Variants in MAGI3 observed in about 807,000 individuals in gnomAD.
The protein encoded by MAGI3 is membrane-associated guanylate kinase, WW and PDZ domain-containing protein 3.
Under a neutral mutation model 121.8 loss-of-function variants are expected in MAGI3, and 43 were observed. The ratio of observed to expected loss-of-function variants is 0.35; its 90% CI spans 0.28 to 0.46. MAGI3 has a LOEUF of 0.46. Ranked by LOEUF, MAGI3 falls within the 20% of genes least tolerant of loss-of-function variation. The pLI, the probability that MAGI3 is intolerant of heterozygous loss-of-function variation, is 1.00. For missense variants in MAGI3, 1,547 were observed against 1,797.3 expected, an observed-to-expected ratio of 0.86 and a Z score of 2.52; for synonymous variants, 553 against 639.3, an observed-to-expected ratio of 0.86 and a Z score of 2.04.
intron 17 of MAGI3, 143 bp from the exon 18 acceptor site, chr1:113,672,470 GAT>G: frequency 1.6e-6 from 1 of 616,734 alleles, no homozygotes; most frequent in Non-Finnish European, 2.4e-6. Context: ...CCTCTGATCT[GAT>G]TTTAGATATA....
chr1:113,479,513 G>A (rs1656013384), intron 1 of MAGI3, among the ~76,000 whole-genome samples: 1 of 152,138 alleles, frequency 6.6e-6, no homozygotes, highest in South Asian at 2.1e-4. Context: ...GTCATTTGCT[G>A]CTTTCAAAAT....
At chr1:113,652,952 C>T (rs1653255644) in intron 14 of MAGI3, among the ~76,000 whole-genome samples, 1 of 152,158 alleles carries the variant, frequency 6.6e-6, no homozygotes, top group African/African-American at 2.4e-5. Flanking sequence ...ATGTGGACAG[C>T]TTGTTATGTG....
Position 113,507,365 on chromosome 1 carries a change from G to A in MAGI3, c.317-42150G>A, listed in dbSNP as rs566225375. Among the ~76,000 whole-genome samples, 14 of 152,180 alleles carry A rather than the reference G, an allele frequency of 9.2e-5. No individual in the cohort carries two copies. In the East Asian group the frequency reaches 1.2e-3, roughly 13 times the overall value. On this transcript the variant is annotated intron_variant, in intron 1 of 20. Transcript: ENST00000307546. ...TCTCTACTACTTGTAAGGGGATAGC[G>A]TTTATGTTATTTCACTAATCTTTTA...
intron 16 of MAGI3, among the ~76,000 whole-genome samples, chr1:113,667,631 A>G (rs917257528): frequency 2.0e-5 from 3 of 152,158 alleles, no homozygotes; most frequent in East Asian, 1.9e-4. Context: ...AATATTTACA[A>G]TTTTCTTCAA....
rs767852624 is a variant in MAGI3, at chr1:113,659,091, A to G, written c.2641A>G (p.Lys881Glu). 1 of 1,609,798 alleles carries G rather than the reference A, an allele frequency of 6.2e-7. No individual in the cohort carries two copies. Among genetic ancestry groups the G allele is most frequent in the Non-Finnish European group, 8.5e-7 (1 of 1,178,120 alleles). Reference protein sequence around the residue: ...NKPPPGVIPHKIGRVIEGSPA... With the variant: ...NKPPPGVIPHEIGRVIEGSPA... ...TTTTTTTCCCATAGTTATTCCTCATAAAATTGGCCGAGTCATAGAAGGAAG... is the reference window on the plus strand; with the variant it reads ...TTTTTTTCCCATAGTTATTCCTCATGAAATTGGCCGAGTCATAGAAGGAAG... The change falls in exon 16 of 21, where the codon AAA becomes GAA. Residue 881 changes from lysine (K) to glutamate (E), a missense_variant. By Grantham distance (56) the Lys-to-Glu change is moderately conservative. Transcript: ENST00000307546.
intron 1 of MAGI3, among the ~76,000 whole-genome samples, chr1:113,431,207 A>G (rs1041419243): frequency 6.6e-6 from 1 of 152,174 alleles, no homozygotes; most frequent in Non-Finnish European, 1.5e-5. Context: ...AGTGCTAGCT[A>G]CTCAGGAGAC....
chr1:113,579,410 A>G (rs761422264), intron 2 of MAGI3, among the ~76,000 whole-genome samples: 2 of 152,220 alleles, frequency 1.3e-5, no homozygotes, highest in Non-Finnish European at 2.9e-5. Flanking sequence ...GTAGTATACT[A>G]AAGCCTAATG....
At chr1:113,420,898 A>T (rs1185822718) in intron 1 of MAGI3, among the ~76,000 whole-genome samples, 1 of 152,190 alleles carries the variant, frequency 6.6e-6, no homozygotes, top group East Asian at 1.9e-4. Flanking sequence ...GTAGTCAGTG[A>T]ATATTGCATT....
At chr1:113,663,331 A>G (rs1052467779) in intron 16 of MAGI3, among the ~76,000 whole-genome samples, 3 of 151,080 alleles carry the variant, frequency 2.0e-5, no homozygotes, top group East Asian at 3.9e-4. Context: ...TATTGCTCCA[A>G]AAAGAAACTT....
At chr1:113,536,862 TC>T (rs1659032697) in intron 1 of MAGI3, among the ~76,000 whole-genome samples, 1 of 152,186 alleles carries the variant, frequency 6.6e-6, no homozygotes, top group South Asian at 2.1e-4. Flanking sequence ...GAATCTCAAA[TC>T]CATCTCCTTT....
chr1:113,524,365 A>G (rs973920601), intron 1 of MAGI3, among the ~76,000 whole-genome samples: 2 of 151,966 alleles, frequency 1.3e-5, no homozygotes, highest in African/African-American at 4.8e-5. Context: ...TGCACCAGAA[A>G]AGCTGCAGAC....
chr1:113,598,501 A>C (rs908834899), intron 6 of MAGI3, among the ~76,000 whole-genome samples: 2 of 152,154 alleles, frequency 1.3e-5, no homozygotes, highest in Non-Finnish European at 2.9e-5. Context: ...TTTCACACAA[A>C]TGGAAACTCA....
chr1:113,546,124 A>C (rs182773096), intron 1 of MAGI3, among the ~76,000 whole-genome samples: 173 of 152,322 alleles, frequency 1.1e-3, no homozygotes, highest in African/African-American at 2.6e-3. Flanking sequence ...TATTTTGTTC[A>C]CTTAGGAAGT....
chr1:113,398,070 G>A (rs1651212212), intron 1 of MAGI3, among the ~76,000 whole-genome samples: 1 of 152,132 alleles, frequency 6.6e-6, no homozygotes, highest in Non-Finnish European at 1.5e-5. Context: ...CCACTCAGCT[G>A]CATTGCAGTG....
intron 1 of MAGI3, among the ~76,000 whole-genome samples, chr1:113,445,366 C>A (rs956382476): frequency 3.3e-5 from 5 of 152,166 alleles, no homozygotes; most frequent in Non-Finnish European, 7.3e-5. Flanking sequence ...ACTCAGGAGG[C>A]TGAGGTGAGA....
intron 1 of MAGI3, among the ~76,000 whole-genome samples, chr1:113,489,859 G>T (rs562814845): frequency 2.0e-5 from 3 of 151,982 alleles, no homozygotes; most frequent in Admixed American, 2.0e-4. Flanking sequence ...GAAAAGGAAG[G>T]AACAAAACCT....
At chr1:113,646,150 A>T (rs1290707078) in intron 11 of MAGI3, among the ~76,000 whole-genome samples, 1 of 152,022 alleles carries the variant, frequency 6.6e-6, no homozygotes, top group Non-Finnish European at 1.5e-5. Context: ...TTTACTTAGA[A>T]GTGCTGCCTT....
intron 6 of MAGI3, among the ~76,000 whole-genome samples, chr1:113,613,643 G>C (rs1472201577): frequency 6.6e-6 from 1 of 152,076 alleles, no homozygotes; most frequent in African/African-American, 2.4e-5. Context: ...ATTCTTAAGA[G>C]AAATTGAAAA....
chr1:113,536,474 C>T (rs1408490366), intron 1 of MAGI3, among the ~76,000 whole-genome samples: 1 of 152,098 alleles, frequency 6.6e-6, no homozygotes, highest in Non-Finnish European at 1.5e-5. Flanking sequence ...TTTCTGTTGG[C>T]ATATATTCAT....
Sources: gnomAD v4.1 joint callset for allele counts (sites outside exome capture counted in the v4.1 genomes callset) on GRCh38, gnomAD v4.1.1 for gene constraint, MANE v1.5 for transcripts, NCBI Gene and HGNC (gene_info 2026-07-23, HGNC 2026-07-21) for gene names.